The following ATXN7 variants were observed in gnomAD, a reference collection of about 807,000 sequenced individuals.
ATXN7 encodes the protein ataxin 7.
A neutral mutation model predicts 70.5 loss-of-function variants in ATXN7; 12 were observed. The ratio of observed to expected loss-of-function variants is 0.17; its 90% CI spans 0.11 to 0.28. ATXN7 has a LOEUF of 0.28. Among genes scored for constraint, ATXN7 ranks in the 10% least tolerant of loss-of-function variants. ATXN7 has a pLI of 1.00. For missense variants in ATXN7, 1,256 were observed against 1,131.7 expected (o/e 1.11, Z -1.58); for synonymous variants, 498 against 448.7 (o/e 1.11, Z -1.39).
In ATXN7 at chr3:63,912,711, A is replaced by AGCAGCC. The variant is rs1553686130; in HGVS notation, c.116_121dup (p.Gln39_Pro40dup). ...CAGCAGCAGCAGCAGCAGCAGCAGC[A>AGCAGCC]GCAGCCGCCGCCTCCGCAGCCCCAG... On this transcript the variant is annotated inframe_insertion, in exon 3 of 13. Transcript: ENST00000674280. The AGCAGCC allele has an allele frequency of 4.5e-5, 54 of 1,207,118 alleles. No homozygotes were observed. Among genetic ancestry groups the AGCAGCC allele is most frequent in the African/African-American group, 1.8e-4 (11 of 60,906 alleles). 74.8% of individuals were successfully genotyped at this position (1,207,118 alleles called of 1,614,324 possible).
At position 64,002,730 on chromosome 3, in the gene ATXN7, TTTTATAAGGTATTTTAAA is replaced by T. The variant is rs1344746187; in HGVS notation, c.*3264_*3281del. ...AGTTGAAAACCACCAATGCTGGTAA[TTTTATAAGGTATTTTAAA>T]ATTAAGACCTCTTGGTTCATAGTAA... On this transcript the variant is annotated 3_prime_UTR_variant, in exon 13 of 13. Coordinates refer to ENST00000674280, the MANE Select transcript of ATXN7 (RefSeq NM_001377405.1). 1.3e-5 allele frequency: 2 copies of T among 152,186 alleles called. No individual in the cohort carries two copies. Among genetic ancestry groups the T allele is most frequent in the East Asian group, 3.9e-4 (2 of 5,194 alleles). 9.4% of individuals were successfully genotyped at this position (152,186 alleles called of 1,614,324 possible).
chr3:63,956,834 T>C (rs1464266023), intron 5 of ATXN7, among the ~76,000 whole-genome samples: 1 of 152,358 alleles, frequency 6.6e-6, no homozygotes, highest in East Asian at 1.9e-4. Context: ...ATGTGTATTA[T>C]GTGCTGCAAA....
chr3:63,967,850 C>A, intron 5 of ATXN7: 2 of 1,531,282 alleles, frequency 1.3e-6, no homozygotes, highest in Non-Finnish European at 1.7e-6. Flanking sequence ...GGTGGGCAGA[C>A]CCAAATCATG....
chr3:63,992,355 A>G (rs1193770551), intron 11 of ATXN7, among the ~76,000 whole-genome samples: 1 of 152,202 alleles, frequency 6.6e-6, no homozygotes, highest in Non-Finnish European at 1.5e-5. Context: ...GGCTAGACAC[A>G]GAATCAGGGG....
chr3:63,981,371 T>C (rs2075484637), intron 6 of ATXN7, among the ~76,000 whole-genome samples: 1 of 152,252 alleles, frequency 6.6e-6, no homozygotes, highest in Non-Finnish European at 1.5e-5. Flanking sequence ...ACTGGCCAGC[T>C]TAACAGCTGT....
At chr3:63,913,768 T>C (rs915142365) in intron 4 of ATXN7, among the ~76,000 whole-genome samples, 6 of 152,168 alleles carry the variant, frequency 3.9e-5, no homozygotes, top group Non-Finnish European at 7.4e-5. Flanking sequence ...AAAGCCAGAA[T>C]TTTATTTGGT....
rs374112735 is a variant in ATXN7, at chr3:63,988,273, C to T, written c.1310C>T (p.Ser437Leu). The change falls in exon 9 of 13, where the codon TCA becomes TTA. Residue 437 changes from serine to leucine, a missense_variant. Transcript: ENST00000674280. ...CCTCACGGAGTGATTCCTTCCGAAT[C>T]AAAGCCTTTTGTAGCTAGTAAACCT... ...QNPHGVIPSE[S>L]KPFVASKPKP... 6.2e-7 allele frequency: 1 copy of T among 1,614,110 alleles called. No homozygotes were observed. Among genetic ancestry groups the T allele is most frequent in the Non-Finnish European group, 8.5e-7 (1 of 1,180,036 alleles).
chr3:63,972,434 C>A (rs145008418), intron 5 of ATXN7, among the ~76,000 whole-genome samples: 2 of 152,276 alleles, frequency 1.3e-5, no homozygotes, highest in Non-Finnish European at 2.9e-5. Context: ...CCCATCCATG[C>A]AGAGTGCACA....
intron 1 of ATXN7, among the ~76,000 whole-genome samples, chr3:63,890,162 A>T (rs1319670240): frequency 2.0e-5 from 3 of 152,200 alleles, no homozygotes; most frequent in Admixed American, 6.5e-5. Context: ...ATCCTAAGCA[A>T]CTGTTTGTAG....
chr3:63,978,555 C>G (rs144441590), intron 5 of ATXN7, among the ~76,000 whole-genome samples: 1 of 152,120 alleles, frequency 6.6e-6, no homozygotes, highest in African/African-American at 2.4e-5. Context: ...GGAAAACTGC[C>G]GAACTGAATT....
chr3:63,987,284 AAC>A (rs1174136375), intron 8 of ATXN7, among the ~76,000 whole-genome samples: 1 of 152,188 alleles, frequency 6.6e-6, no homozygotes, highest in East Asian at 1.9e-4. Context: ...CCTTAAGACA[AAC>A]ACTGCCATAA....
chr3:63,974,992 C>T (rs1157580770), intron 5 of ATXN7, among the ~76,000 whole-genome samples: 1 of 152,150 alleles, frequency 6.6e-6, no homozygotes, highest in Non-Finnish European at 1.5e-5. Flanking sequence ...TGAGGGTGTA[C>T]ATTTTGAATC....
intron 5 of ATXN7, among the ~76,000 whole-genome samples, chr3:63,959,440 C>T (rs2075089205): frequency 6.6e-6 from 1 of 152,150 alleles, no homozygotes. Context: ...GAAGGAAATT[C>T]CAGGTTGGCC....
In ATXN7 at chr3:63,987,528, A is replaced by G. The variant is rs1037865959; in HGVS notation, c.1096-531A>G. On this transcript the variant is annotated intron_variant, in intron 8 of 12. Coordinates refer to ENST00000674280, the MANE Select transcript of ATXN7 (RefSeq NM_001377405.1). ...TGCAGAATGCTTTGGGCCACTTTCT[A>G]TTTTTGCATGGCATTTTCATTGGAA... 2.0e-5 allele frequency among the ~76,000 whole-genome samples: 3 copies of G among 151,690 alleles called. 1 individual carries two copies. The highest frequency in any genetic ancestry group is 2.9e-5 in the Non-Finnish European group (2 of 67,934).
At chr3:63,987,560 G>A (rs866320810) in intron 8 of ATXN7, among the ~76,000 whole-genome samples, 1 of 152,176 alleles carries the variant, frequency 6.6e-6, no homozygotes, top group South Asian at 2.1e-4. Context: ...GGAATAGAGG[G>A]ACGCAATTGT....
chr3:63,914,091 GC>G (rs1338669790), intron 4 of ATXN7, among the ~76,000 whole-genome samples: 1 of 152,142 alleles, frequency 6.6e-6, no homozygotes, highest in Admixed American at 6.5e-5. Flanking sequence ...GTGAGGTTTG[GC>G]CCCGGAATAC....
chr3:63,930,415 G>T lies in ATXN7; in HGVS notation c.394+17190G>T, dbSNP rs1329335530. Among the ~76,000 whole-genome samples, 4 of 152,262 alleles carry T rather than the reference G, an allele frequency of 2.6e-5. No homozygotes were observed. In the East Asian group the frequency reaches 7.7e-4, roughly 29 times the overall value. ...TCCCTTTGTGTGTAGCCCCTCCACA[G>T]CTTTCCCTGGAAGGCCTTGGCCATG... On this transcript the variant is annotated intron_variant, in intron 4 of 12. Coordinates refer to ENST00000674280, the MANE Select transcript of ATXN7 (RefSeq NM_001377405.1).
In ATXN7 at chr3:63,909,233, C is replaced by T. The variant is rs959844309; in HGVS notation, c.-11-3355C>T. 5.3e-5 allele frequency among the ~76,000 whole-genome samples: 8 copies of T among 152,232 alleles called. No homozygotes were observed. In the East Asian group the frequency reaches 1.5e-3, roughly 29 times the overall value. ...GGCAGAAGCACTGATTGATATTATA[C>T]AGGCATAATACTATATTAAAATAAC... On this transcript the variant is annotated intron_variant, in intron 2 of 12. Coordinates refer to ENST00000674280, the MANE Select transcript of ATXN7 (RefSeq NM_001377405.1).
At chr3:63,873,080 A>G (rs1414559464) in intron 1 of ATXN7, among the ~76,000 whole-genome samples, 1 of 152,204 alleles carries the variant, frequency 6.6e-6, no homozygotes, top group Non-Finnish European at 1.5e-5. Context: ...TTAAAATTTT[A>G]CATGAATTTT....
Sources: allele counts gnomAD v4.1 joint callset (sites outside exome capture counted in the v4.1 genomes callset), GRCh38; gene constraint gnomAD v4.1.1; transcripts MANE v1.5; gene names NCBI Gene and HGNC (gene_info 2026-07-23, HGNC 2026-07-21).